ABI2: variants seen among roughly 807,000 people sequenced by gnomAD.
ABI2 encodes abelson interactor 2.
Under a neutral mutation model 59.2 loss-of-function variants are expected in ABI2, and 25 were observed. The observed-to-expected ratio is 0.42, with a 90% CI of 0.31 to 0.59. The LOEUF is 0.59. Among genes scored for constraint, ABI2 ranks in the 20% least tolerant of loss-of-function variants. ABI2 has a pLI of 0.14. For missense variants in ABI2, 545 were observed against 681.8 expected (o/e 0.80, Z 2.23); for synonymous variants, 213 against 235.5 (o/e 0.90, Z 0.87).
chr2:203,419,675 C>A (rs754131664), intron 11 of ABI2, among the ~76,000 whole-genome samples: 1 of 152,046 alleles, frequency 6.6e-6, no homozygotes, highest in Non-Finnish European at 1.5e-5. Flanking sequence ...CTGCGCCCAG[C>A]CTGTGCTTTG....
At chr2:203,366,708 AGTTTG>A (rs1221652159) in intron 1 of ABI2, among the ~76,000 whole-genome samples, 164 bp from the exon 2 acceptor site, 6 of 152,158 alleles carry the variant, frequency 3.9e-5, no homozygotes, top group African/African-American at 1.2e-4. Flanking sequence ...TTCAGTCAAT[AGTTTG>A]GTTTGGGGTT....
intron 10 of ABI2, among the ~76,000 whole-genome samples, chr2:203,412,760 G>A (rs1237673754): frequency 2.0e-5 from 3 of 152,186 alleles, no homozygotes; most frequent in Non-Finnish European, 2.9e-5. Context: ...CATCCATAGT[G>A]TGATCCTCTG....
At chr2:203,349,954 C>G (rs1295410300) in intron 1 of ABI2, among the ~76,000 whole-genome samples, 1 of 152,064 alleles carries the variant, frequency 6.6e-6, no homozygotes, top group Non-Finnish European at 1.5e-5. Flanking sequence ...GTATATTTAA[C>G]CATTTGAGGA....
intron 1 of ABI2, among the ~76,000 whole-genome samples, chr2:203,365,934 T>G (rs1229243353): frequency 1.3e-5 from 2 of 152,152 alleles, no homozygotes; most frequent in Non-Finnish European, 2.9e-5. Context: ...CGGCCGGGGC[T>G]GTTATCTTAA....
In ABI2 at chr2:203,394,837, G is replaced by A; in HGVS notation, c.716G>A (p.Arg239Gln). ...ACAGCTTCTGTGAATCAAAGAAATC[G>A]AACTTACAGGTATTTTCTCTACCTC... The part of the protein sequence containing the change: ...VRTASVNQRN[R>Q]TYSSSGSSGG... The change falls in exon 6 of 12, where the codon CGA becomes CAA. Residue 239 changes from arginine (R) to glutamine (Q), a missense_variant. This residue lies in a region of ABI2 where 410 missense variants were observed against 435.6 expected (regional missense o/e 0.94). Coordinates refer to ENST00000261018, the MANE Select transcript of ABI2 (RefSeq NM_001375670.1). 6 of 1,613,964 alleles carry A rather than the reference G, an allele frequency of 3.7e-6. No homozygotes were observed. Among genetic ancestry groups the A allele is most frequent in the Non-Finnish European group, 5.1e-6 (6 of 1,179,978 alleles).
intron 11 of ABI2, among the ~76,000 whole-genome samples, chr2:203,426,801 A>C (rs1054678678): frequency 2.0e-5 from 3 of 151,756 alleles, no homozygotes; most frequent in African/African-American, 2.4e-5. Flanking sequence ...AAAAAAAAAA[A>C]AAACCACAAT....
intron 1 of ABI2, among the ~76,000 whole-genome samples, chr2:203,360,221 C>T (rs1392895597): frequency 6.6e-6 from 1 of 150,840 alleles, no homozygotes; most frequent in South Asian, 2.1e-4. Context: ...GCAGTTGTAC[C>T]CTAAAGGCCT....
chr2:203,349,512 C>T (rs1443914990), intron 1 of ABI2, among the ~76,000 whole-genome samples: 1 of 152,146 alleles, frequency 6.6e-6, no homozygotes, highest in African/African-American at 2.4e-5. Context: ...TCAAGCGATT[C>T]TCCTTCCTCA....
At chr2:203,339,456 C>A (rs2078564482) in intron 1 of ABI2, among the ~76,000 whole-genome samples, 1 of 151,574 alleles carries the variant, frequency 6.6e-6, no homozygotes, top group Admixed American at 6.6e-5. Flanking sequence ...TGGCGGGTGT[C>A]TGCAGTCCTA....
chr2:203,331,968 C>G (rs894247087), intron 1 of ABI2, among the ~76,000 whole-genome samples: 16 of 151,812 alleles, frequency 1.1e-4, no homozygotes, highest in Non-Finnish European at 2.9e-5. Flanking sequence ...TGCCAACACG[C>G]CCAGCTAATT....
chr2:203,413,595 A>C (rs544475003), intron 10 of ABI2, among the ~76,000 whole-genome samples: 1 of 152,128 alleles, frequency 6.6e-6, no homozygotes, highest in African/African-American at 2.4e-5. Flanking sequence ...CATTTACACA[A>C]CGTATAAAAA....
chr2:203,392,314 CCAACAACAA>C lies in ABI2; in HGVS notation c.578+1193_578+1201del, dbSNP rs150870167. On this transcript the variant is annotated intron_variant, in intron 5 of 11. Coordinates refer to ENST00000261018, the MANE Select transcript of ABI2 (RefSeq NM_001375670.1). ...ACCACCACCACCACCACCACCACCA[CCAACAACAA>C]CAACAACAACAACAACAACAAAACA... Among the ~76,000 whole-genome samples the C allele has an allele frequency of 4.1e-3, 511 of 123,278 alleles. 9 individuals are homozygous for C. The highest frequency in any genetic ancestry group is 0.041 in the East Asian group (183 of 4,518). 80.9% of individuals were successfully genotyped at this position (123,278 alleles called of 152,430 possible).
At chr2:203,426,613 C>A (rs2098431732) in intron 11 of ABI2, among the ~76,000 whole-genome samples, 1 of 152,098 alleles carries the variant, frequency 6.6e-6, no homozygotes, top group African/African-American at 2.4e-5. Flanking sequence ...TCCCATCATT[C>A]ATACATTTAA....
chr2:203,360,755 C>G (rs755561558), intron 1 of ABI2, among the ~76,000 whole-genome samples: 3 of 152,120 alleles, frequency 2.0e-5, no homozygotes, highest in Non-Finnish European at 4.4e-5. Flanking sequence ...GCTTGGCAAA[C>G]CAGAGATTCT....
chr2:203,418,378 A>G (rs539955140), intron 11 of ABI2, among the ~76,000 whole-genome samples: 124 of 152,324 alleles, frequency 8.1e-4, no homozygotes, highest in African/African-American at 2.8e-3. Flanking sequence ...CACGGCTGCA[A>G]TCAAGGTATC....
chr2:203,342,144 C>G, intron 1 of ABI2: 1 of 448,366 alleles, frequency 2.2e-6, no homozygotes, highest in South Asian at 1.6e-5. Context: ...ACTTATGACT[C>G]ACACCATTTA....
chr2:203,377,734 C>T (rs1211402807), intron 2 of ABI2, among the ~76,000 whole-genome samples: 1 of 152,132 alleles, frequency 6.6e-6, no homozygotes, highest in Admixed American at 6.5e-5. Flanking sequence ...GGAAAAACCC[C>T]AACTCTACAG....
intron 1 of ABI2, among the ~76,000 whole-genome samples, chr2:203,355,853 A>G (rs188319422): frequency 7.5e-6 from 1 of 133,776 alleles, no homozygotes; most frequent in Admixed American, 7.6e-5. Context: ...AAAAAAAAAC[A>G]CCCCACCAAG....
At chr2:203,374,833 C>CTGA (rs895530783) in intron 2 of ABI2, 1 of 456,204 alleles carries the variant, frequency 2.2e-6, no homozygotes, top group Non-Finnish European at 4.4e-6. Context: ...TTTTCCCACA[C>CTGA]TGATGGGCAG....
Sources: allele counts gnomAD v4.1 joint callset (sites outside exome capture counted in the v4.1 genomes callset), GRCh38; gene constraint gnomAD v4.1.1; regional missense constraint gnomAD v4.1.1; transcripts MANE v1.5; gene names NCBI Gene and HGNC (gene_info 2026-07-23, HGNC 2026-07-21).